The following PPM1L variants were observed in gnomAD, a reference collection of about 807,000 sequenced individuals.
PPM1L encodes the protein protein phosphatase, Mg2+/Mn2+ dependent 1L, also known as protein phosphatase 1L.
PPM1L carries 13 observed loss-of-function variants against 31.4 expected under a neutral mutation model. The observed-to-expected ratio is 0.41, with a 90% CI of 0.27 to 0.66. PPM1L has a LOEUF of 0.66. PPM1L is among the 30% of genes least tolerant of loss of function. PPM1L has a pLI of 0.29. For missense variants in PPM1L, 326 were observed against 453.7 expected (o/e 0.72, Z 2.56); for synonymous variants, 184 against 175.4 (o/e 1.05, Z -0.39).
rs1018748168 is a variant in PPM1L, at chr3:161,059,240, C to T, written c.575-6163C>T. Among the ~76,000 whole-genome samples the T allele has an allele frequency of 6.6e-5, 10 of 152,086 alleles. 1 individual carries two copies. Among genetic ancestry groups the T allele is most frequent in the Admixed American group, 6.5e-4 (10 of 15,268 alleles). On this transcript the variant is annotated intron_variant, in intron 2 of 3. Coordinates refer to ENST00000498165, the MANE Select transcript of PPM1L (RefSeq NM_139245.4). The stretch of plus-strand genomic sequence containing the variant: ...TTGGATGGTGTGGTGAGGATGGAAG[C>T]CCTACCCATATGTTATTTGCACTGG...
At chr3:161,036,616 C>G (rs991791501) in intron 2 of PPM1L, among the ~76,000 whole-genome samples, 4 of 152,130 alleles carry the variant, frequency 2.6e-5, no homozygotes, top group African/African-American at 7.2e-5. Flanking sequence ...GGTTCTTAAC[C>G]CAGGCCCGGT....
Position 160,803,328 on chromosome 3 carries a change from G to C in PPM1L, c.399+46621G>C, listed in dbSNP as rs143152570. On this transcript the variant is annotated intron_variant, in intron 1 of 3. Transcript: ENST00000498165. ...TTGCTTAATCAAAATTATTTTCTCT[G>C]AATAATAACCTCAGAAATTAAGAAA... is the stretch of plus-strand genomic sequence containing the variant. Among the ~76,000 whole-genome samples, 1,066 of 152,200 alleles carry C rather than the reference G, an allele frequency of 7.0e-3. 11 individuals carry two copies. The highest frequency in any genetic ancestry group is 0.025 in the African/African-American group (1,031 of 41,516).
At chr3:160,966,085 G>C (rs1002376752) in intron 2 of PPM1L, among the ~76,000 whole-genome samples, 10 of 151,942 alleles carry the variant, frequency 6.6e-5, no homozygotes, top group African/African-American at 1.7e-4. Context: ...ATTCAGCAAA[G>C]AAATGGGAAG....
At chr3:160,786,888 G>A (rs980332816) in intron 1 of PPM1L, among the ~76,000 whole-genome samples, 1 of 152,120 alleles carries the variant, frequency 6.6e-6, no homozygotes, top group African/African-American at 2.4e-5. Context: ...TTAGGATAAT[G>A]GCCTCTAGCT....
At chr3:160,778,066 G>A (rs1711612048) in intron 1 of PPM1L, among the ~76,000 whole-genome samples, 1 of 152,014 alleles carries the variant, frequency 6.6e-6, no homozygotes, top group African/African-American at 2.4e-5. Flanking sequence ...ATTTTTAATG[G>A]CTGTGATATC....
At chr3:160,975,532 A>G (rs1337078538) in intron 2 of PPM1L, among the ~76,000 whole-genome samples, 4 of 152,034 alleles carry the variant, frequency 2.6e-5, no homozygotes, top group Non-Finnish European at 4.4e-5. Context: ...ATTTGTTTGT[A>G]TCCTTTTTTA....
intron 1 of PPM1L, among the ~76,000 whole-genome samples, chr3:160,895,435 C>T (rs1713303513): frequency 6.6e-6 from 1 of 152,076 alleles, no homozygotes; most frequent in Non-Finnish European, 1.5e-5. Flanking sequence ...CCAGGCTGGT[C>T]TCAAACTCCT....
At chr3:160,809,323 A>T (rs945766059) in intron 1 of PPM1L, among the ~76,000 whole-genome samples, 1 of 152,184 alleles carries the variant, frequency 6.6e-6, no homozygotes, top group South Asian at 2.1e-4. Flanking sequence ...GAAGTAAAAA[A>T]AATTCCCATC....
chr3:160,925,446 T>G (rs1302805812), intron 1 of PPM1L, among the ~76,000 whole-genome samples: 1 of 152,216 alleles, frequency 6.6e-6, no homozygotes, highest in Non-Finnish European at 1.5e-5. Flanking sequence ...TCAATTGAGT[T>G]TGGCATATTG....
intron 2 of PPM1L, among the ~76,000 whole-genome samples, chr3:161,010,991 C>A (rs1717875385): frequency 1.3e-5 from 2 of 152,164 alleles, no homozygotes; most frequent in South Asian, 4.1e-4. Flanking sequence ...ATGGTAGTTT[C>A]TTTTGCTGTA....
chr3:160,986,187 G>T (rs954167780), intron 2 of PPM1L, among the ~76,000 whole-genome samples: 17 of 152,218 alleles, frequency 1.1e-4, no homozygotes, highest in African/African-American at 4.1e-4. Context: ...GAAATAGAGT[G>T]AGGTATTACT....
In PPM1L at chr3:160,764,820, A is replaced by G. The variant is rs1715065597; in HGVS notation, c.399+8113A>G. On this transcript the variant is annotated intron_variant, in intron 1 of 3. Transcript: ENST00000498165. ...GAGTGTATTTTTTAGTGATAGAGCA[A>G]TATTTTATTGAGTAGATATTTGAGA... 2.0e-5 allele frequency among the ~76,000 whole-genome samples: 3 copies of G among 152,126 alleles called. No individual in the cohort carries two copies. In the South Asian group the frequency reaches 6.2e-4, roughly 32 times the overall value.
At chr3:160,782,173 T>C (rs1294160308) in intron 1 of PPM1L, among the ~76,000 whole-genome samples, 1 of 152,218 alleles carries the variant, frequency 6.6e-6, no homozygotes, top group East Asian at 1.9e-4. Flanking sequence ...GTTTGTTTTT[T>C]TTTTGCCAAA....
rs1720181572 is a variant in PPM1L, at chr3:161,078,553, T to G, written c.*9396T>G. On this transcript the variant is annotated 3_prime_UTR_variant, in exon 4 of 4. Coordinates refer to ENST00000498165, the MANE Select transcript of PPM1L (RefSeq NM_139245.4). ...GTTATTTCCTGAAAACCATCCATGATAAATACAACAAGGCTTGGCGAAACC... is the reference window on the plus strand; with the variant it reads ...GTTATTTCCTGAAAACCATCCATGAGAAATACAACAAGGCTTGGCGAAACC... 6.6e-6 allele frequency: 1 copy of G among 152,222 alleles called. No homozygotes were observed. Among genetic ancestry groups the G allele is most frequent in the African/African-American group, 2.4e-5 (1 of 41,470 alleles). The allele number at this position is 152,222 out of a possible 1,614,324, so 9.4% of individuals were successfully genotyped here.
intron 2 of PPM1L, among the ~76,000 whole-genome samples, chr3:160,965,404 A>G (rs889356881): frequency 1.3e-5 from 2 of 152,084 alleles, no homozygotes; most frequent in Non-Finnish European, 2.9e-5. Flanking sequence ...TCTGTACTTC[A>G]CATACACCCA....
In PPM1L at chr3:160,764,655, A is replaced by G. The variant is rs551378407; in HGVS notation, c.399+7948A>G. ...CTAATTTTCATATTTTTTAATAGAG[A>G]TGGGGTTTCACCATGTTGGCCAGGC... On this transcript the variant is annotated intron_variant, in intron 1 of 3. Coordinates refer to ENST00000498165, the MANE Select transcript of PPM1L (RefSeq NM_139245.4). 2.2e-4 allele frequency among the ~76,000 whole-genome samples: 34 copies of G among 152,152 alleles called. No homozygotes were observed. The South Asian group carries it at 7.1e-3, about 32-fold the overall frequency.
intron 2 of PPM1L, among the ~76,000 whole-genome samples, chr3:161,038,252 AT>A (rs1247692800): frequency 1.3e-5 from 2 of 151,202 alleles, no homozygotes; most frequent in Non-Finnish European, 2.9e-5. Context: ...AAAAAAAAAA[AT>A]GTATGACAGA....
At chr3:160,771,167 G>A (rs544298695) in intron 1 of PPM1L, among the ~76,000 whole-genome samples, 121 of 152,082 alleles carry the variant, frequency 8.0e-4, no homozygotes, top group Non-Finnish European at 1.4e-3. Context: ...GTATAAATTT[G>A]TAAATGGTAC....
intron 2 of PPM1L, among the ~76,000 whole-genome samples, chr3:161,055,553 C>G (rs1719388414): frequency 6.6e-6 from 1 of 152,114 alleles, no homozygotes; most frequent in Non-Finnish European, 1.5e-5. Flanking sequence ...TGTTATTGAA[C>G]TAACACTCAT....
Sources: allele counts gnomAD v4.1 joint callset (sites outside exome capture counted in the v4.1 genomes callset), GRCh38; gene constraint gnomAD v4.1.1; transcripts MANE v1.5; gene names NCBI Gene and HGNC (gene_info 2026-07-23, HGNC 2026-07-21).